Variants in CD2AP observed in about 807,000 individuals in gnomAD.
CD2AP encodes CD2-associated protein.
Under a neutral mutation model 85.1 loss-of-function variants are expected in CD2AP, and 46 were observed. That is an observed-to-expected ratio of 0.54 (90% CI 0.43 to 0.69). The LOEUF (loss-of-function observed/expected upper bound fraction) is 0.69. Among genes scored for constraint, CD2AP ranks in the 30% least tolerant of loss-of-function variants. The pLI is 0.00. For missense variants in CD2AP, 769 were observed against 729.5 expected, an observed-to-expected ratio of 1.05 and a Z score of -0.62; for synonymous variants, 255 against 252.9, an observed-to-expected ratio of 1.01 and a Z score of -0.08.
chr6:47,478,054 G>C lies in CD2AP; in HGVS notation c.-191G>C, dbSNP rs886061514. 2 of 710,830 alleles carry C rather than the reference G, an allele frequency of 2.8e-6. No individual in the cohort carries two copies. The highest frequency in any genetic ancestry group is 1.8e-5 in the African/African-American group (1 of 55,608). 44.0% of individuals were successfully genotyped at this position (710,830 alleles called of 1,614,324 possible). The stretch of plus-strand genomic sequence containing the variant: ...GTCGCCGCCTTTGCCTCTGCCTCGA[G>C]GGCCGCGCTGAAGAGACTGGTAGGA... On this transcript the variant is annotated 5_prime_UTR_variant, in exon 1 of 18. Transcript: ENST00000359314.
chr6:47,601,960 G>T (rs1430221911), intron 13 of CD2AP, among the ~76,000 whole-genome samples: 1 of 151,882 alleles, frequency 6.6e-6, no homozygotes, highest in African/African-American at 2.4e-5. Context: ...TTTAGTACAT[G>T]TATATGTCTG....
chr6:47,511,386 C>T (rs563756504), intron 2 of CD2AP, among the ~76,000 whole-genome samples: 3 of 152,238 alleles, frequency 2.0e-5, no homozygotes, highest in Middle Eastern at 3.4e-3. Flanking sequence ...CTGACATTGA[C>T]CAGAAGAGGC....
At chr6:47,562,882 A>T in intron 5 of CD2AP, 1 of 759,196 alleles carries the variant, frequency 1.3e-6, no homozygotes, top group South Asian at 1.4e-5. Context: ...ACTGTAGGGG[A>T]ATGGGTAGGC....
chr6:47,515,938 T>C (rs1417349818), intron 2 of CD2AP, among the ~76,000 whole-genome samples: 1 of 151,912 alleles, frequency 6.6e-6, no homozygotes, highest in Non-Finnish European at 1.5e-5. Flanking sequence ...ATGCAAAATA[T>C]GTGGGAAAAA....
intron 16 of CD2AP, among the ~76,000 whole-genome samples, chr6:47,611,317 G>T (rs895102255): frequency 6.6e-6 from 1 of 151,388 alleles, no homozygotes; most frequent in African/African-American, 2.4e-5. Flanking sequence ...ATGTATTTGC[G>T]TGTGGCAAAA....
intron 2 of CD2AP, among the ~76,000 whole-genome samples, chr6:47,527,335 G>T (rs1766757361): frequency 6.6e-6 from 1 of 152,090 alleles, no homozygotes; most frequent in Admixed American, 6.6e-5. Context: ...GTATAATGTT[G>T]AGACAGGTAT....
At chr6:47,497,929 T>A (rs1268068987) in intron 1 of CD2AP, among the ~76,000 whole-genome samples, 1 of 152,212 alleles carries the variant, frequency 6.6e-6, no homozygotes, top group Non-Finnish European at 1.5e-5. Flanking sequence ...TTCCTTAGAT[T>A]TGTTGCGCAG....
chr6:47,528,232 T>C (rs1405989081), intron 2 of CD2AP, among the ~76,000 whole-genome samples: 1 of 152,222 alleles, frequency 6.6e-6, no homozygotes, highest in African/African-American at 2.4e-5. Flanking sequence ...TGGAGCGCAG[T>C]GCTGTGATCT....
intron 17 of CD2AP, among the ~76,000 whole-genome samples, chr6:47,618,680 T>C (rs1234509617): frequency 6.6e-6 from 1 of 152,228 alleles, no homozygotes; most frequent in Non-Finnish European, 1.5e-5. Flanking sequence ...AATAAGATAA[T>C]GAGACATAAG....
intron 2 of CD2AP, among the ~76,000 whole-genome samples, chr6:47,503,751 G>A (rs766224620): frequency 6.6e-6 from 1 of 152,098 alleles, no homozygotes; most frequent in Non-Finnish European, 1.5e-5. Context: ...TATAAAGCAG[G>A]CTTGCTGTAT....
At chr6:47,504,433 T>C (rs1271006468) in intron 2 of CD2AP, among the ~76,000 whole-genome samples, 1 of 152,218 alleles carries the variant, frequency 6.6e-6, no homozygotes, top group Non-Finnish European at 1.5e-5. Context: ...TGTCTCAGTA[T>C]CCAGGAAACA....
intron 3 of CD2AP, 54 bp from the exon 4 acceptor site, chr6:47,544,552 G>C: frequency 8.5e-7 from 1 of 1,176,684 alleles, no homozygotes. Context: ...TAAATATACT[G>C]TTTTTAAAAA....
intron 1 of CD2AP, among the ~76,000 whole-genome samples, chr6:47,502,489 C>T (rs1766020436): frequency 6.7e-6 from 1 of 148,786 alleles, no homozygotes; most frequent in East Asian, 2.0e-4. Context: ...CCTCGAACTC[C>T]TGAGTTTTTT....
chr6:47,487,871 A>G (rs1469948572), intron 1 of CD2AP, among the ~76,000 whole-genome samples: 1 of 152,152 alleles, frequency 6.6e-6, no homozygotes, highest in African/African-American at 2.4e-5. Context: ...TGTATCCACT[A>G]AGTCTGATTC....
chr6:47,501,849 G>T (rs910042312), intron 1 of CD2AP, among the ~76,000 whole-genome samples: 1 of 152,284 alleles, frequency 6.6e-6, no homozygotes, highest in Admixed American at 6.5e-5. Flanking sequence ...GTTATTAAAA[G>T]AGGTAAAATA....
intron 17 of CD2AP, 29 bp from the exon 18 acceptor site, chr6:47,624,157 G>T: frequency 6.4e-7 from 1 of 1,557,444 alleles, no homozygotes; most frequent in Non-Finnish European, 8.9e-7. Flanking sequence ...GATATTTTAT[G>T]TTTGCTCAAT....
chr6:47,514,610 G>T (rs1766405436), intron 2 of CD2AP, among the ~76,000 whole-genome samples: 1 of 152,124 alleles, frequency 6.6e-6, no homozygotes, highest in Non-Finnish European at 1.5e-5. Flanking sequence ...GTGGTGAGAA[G>T]AATCTTTCCC....
At chr6:47,550,610 A>G (rs930384200) in intron 4 of CD2AP, among the ~76,000 whole-genome samples, 7 of 152,232 alleles carry the variant, frequency 4.6e-5, no homozygotes, top group African/African-American at 1.4e-4. Context: ...TAGTACAGCC[A>G]CTATGGAAAA....
chr6:47,617,999 A>C (rs1007679662), intron 17 of CD2AP, among the ~76,000 whole-genome samples: 1 of 152,140 alleles, frequency 6.6e-6, no homozygotes, highest in Non-Finnish European at 1.5e-5. Context: ...CCTTCATTAA[A>C]TTGATACTAG....
Sources: allele counts gnomAD v4.1 joint callset (sites outside exome capture counted in the v4.1 genomes callset), GRCh38; gene constraint gnomAD v4.1.1; transcripts MANE v1.5; gene names NCBI Gene and HGNC (gene_info 2026-07-23, HGNC 2026-07-21).